SLC24A2: variants seen among roughly 807,000 people sequenced by gnomAD.
SLC24A2 encodes the protein solute carrier family 24 member 2.
A neutral mutation model predicts 62.0 loss-of-function variants in SLC24A2; 36 were observed. The ratio of observed to expected loss-of-function variants is 0.58; its 90% confidence interval spans 0.44 to 0.77. The LOEUF (loss-of-function observed/expected upper bound fraction) is 0.77, where lower values mean the gene tolerates loss of function less well. Ranked by LOEUF, SLC24A2 falls within the 30% of genes least tolerant of loss-of-function variation. SLC24A2 has a pLI of 0.00. For missense variants in SLC24A2, 846 were observed against 817.9 expected, an observed-to-expected ratio of 1.03 and a Z score of -0.42; for synonymous variants, 358 against 294.0, an observed-to-expected ratio of 1.22 and a Z score of -2.23.
At chr9:19,870,360 T>C in the SLC24A2 span, among the ~76,000 whole-genome samples, 3 of 152,230 alleles carry the variant, frequency 2.0e-5, no homozygotes, top group African/African-American at 7.2e-5. Flanking sequence ...TATTCCATTC[T>C]TTTGATGGCT....
In SLC24A2 at chr9:19,533,593, T is replaced by G. The variant is rs984958822; in HGVS notation, c.1480-5455A>C. 6.6e-5 allele frequency among the ~76,000 whole-genome samples: 10 copies of G among 152,146 alleles called. No individual in the cohort carries two copies. In the East Asian group the frequency reaches 1.9e-3, roughly 29 times the overall value. ...TGACTAAGTCCAGGCTAGCCTGCTT[T>G]GAGATAAGAGAGTATGTGGAGCAGA... On this transcript the variant is annotated intron_variant, in intron 8 of 10. Transcript: ENST00000341998.
At chr9:19,978,104 G>T in the SLC24A2 span, among the ~76,000 whole-genome samples, 1 of 152,130 alleles carries the variant, frequency 6.6e-6, no homozygotes, top group Non-Finnish European at 1.5e-5. Flanking sequence ...GAGAACAAGA[G>T]ATTTTCTATA....
chr9:19,788,521 A>T (rs1436020427), intron 1 of SLC24A2: 1 of 985,348 alleles, frequency 1.0e-6, no homozygotes, highest in African/African-American at 1.7e-5. Context: ...TCTAAAGGAC[A>T]GACGCCCCAC....
At chr9:20,250,007 G>C in the SLC24A2 span, among the ~76,000 whole-genome samples, 3 of 152,170 alleles carry the variant, frequency 2.0e-5, no homozygotes, top group Non-Finnish European at 4.4e-5. Context: ...TTGTCTTGGG[G>C]AGGAACTAAT....
upstream of SLC24A2, among the ~76,000 whole-genome samples, chr9:19,790,530 C>CCAA (rs376964461): frequency 1.6e-5 from 2 of 122,450 alleles, no homozygotes; most frequent in Non-Finnish European, 3.3e-5. Flanking sequence ...ATTTGAGCAT[C>CCAA]AAAAAAAAAA....
the SLC24A2 span, among the ~76,000 whole-genome samples, chr9:20,170,831 G>C: frequency 6.6e-6 from 1 of 152,122 alleles, no homozygotes; most frequent in African/African-American, 2.4e-5. Flanking sequence ...GGCCTTGCTA[G>C]AGACCTAGTC....
intron 2 of SLC24A2, among the ~76,000 whole-genome samples, chr9:19,719,533 G>A (rs1820962642): frequency 6.6e-6 from 1 of 151,430 alleles, no homozygotes; most frequent in Non-Finnish European, 1.5e-5. Flanking sequence ...CTGCTTGAGA[G>A]TTTGCACTTA....
At chr9:20,248,886 G>A in the SLC24A2 span, among the ~76,000 whole-genome samples, 2 of 152,184 alleles carry the variant, frequency 1.3e-5, no homozygotes, top group African/African-American at 4.8e-5. Context: ...TCTCTAAATA[G>A]TTGTTTCCTC....
the SLC24A2 span, among the ~76,000 whole-genome samples, chr9:19,872,799 C>A: frequency 6.6e-6 from 1 of 152,172 alleles, no homozygotes; most frequent in East Asian, 1.9e-4. Flanking sequence ...AGTCCTGGGT[C>A]TTCTTGTAAA....
the SLC24A2 span, among the ~76,000 whole-genome samples, chr9:19,980,054 A>C: frequency 1.3e-5 from 2 of 152,248 alleles, no homozygotes; most frequent in Admixed American, 6.5e-5. Flanking sequence ...TGTAAAGGAA[A>C]TAGCACGAAG....
chr9:20,130,040 G>A, the SLC24A2 span, among the ~76,000 whole-genome samples: 59 of 151,872 alleles, frequency 3.9e-4, no homozygotes, highest in Non-Finnish European at 7.7e-4. Context: ...TATTTAGAGA[G>A]TCTTTCCCTT....
chr9:20,280,707 A>T, the SLC24A2 span, among the ~76,000 whole-genome samples: 1 of 152,224 alleles, frequency 6.6e-6, no homozygotes, highest in Non-Finnish European at 1.5e-5. Flanking sequence ...ATGTAGCCTT[A>T]TTGGTAACAG....
At chr9:19,867,631 C>G in the SLC24A2 span, among the ~76,000 whole-genome samples, 3 of 152,198 alleles carry the variant, frequency 2.0e-5, no homozygotes, top group East Asian at 5.8e-4. Flanking sequence ...ACTTTCAGGC[C>G]GGGCGCAGTG....
the SLC24A2 span, among the ~76,000 whole-genome samples, chr9:19,889,111 T>C: frequency 6.6e-6 from 1 of 152,158 alleles, no homozygotes; most frequent in African/African-American, 2.4e-5. Context: ...GCATCAACCT[T>C]CAGAGCACCT....
At chr9:19,543,017 G>T (rs1266355126) in intron 8 of SLC24A2, among the ~76,000 whole-genome samples, 2 of 152,186 alleles carry the variant, frequency 1.3e-5, no homozygotes, top group Non-Finnish European at 2.9e-5. Flanking sequence ...AATGGTACCA[G>T]CTCCTCTTTG....
intron 5 of SLC24A2, among the ~76,000 whole-genome samples, chr9:19,588,888 G>A (rs1042830941): frequency 6.6e-6 from 1 of 152,196 alleles, no homozygotes; most frequent in East Asian, 1.9e-4. Context: ...TGGAACCTGG[G>A]AGGCGGAGGT....
chr9:19,615,350 G>A (rs949191943), intron 4 of SLC24A2, among the ~76,000 whole-genome samples: 12 of 152,198 alleles, frequency 7.9e-5, no homozygotes, highest in South Asian at 2.1e-4. Context: ...TGACTGCAGC[G>A]TTCATGCCAT....
At chr9:20,196,347 T>A in the SLC24A2 span, among the ~76,000 whole-genome samples, 4 of 152,214 alleles carry the variant, frequency 2.6e-5, no homozygotes. Flanking sequence ...CCAAGGCTGG[T>A]GACTGTCTCC....
the SLC24A2 span, among the ~76,000 whole-genome samples, chr9:19,883,385 G>C: frequency 6.6e-6 from 1 of 152,074 alleles, no homozygotes; most frequent in Admixed American, 6.6e-5. Context: ...ATTTAATAGA[G>C]ATAAGAAATT....
Sources: gnomAD v4.1 joint callset for allele counts (sites outside exome capture counted in the v4.1 genomes callset) on GRCh38, gnomAD v4.1.1 for gene constraint, MANE v1.5 for transcripts, NCBI Gene and HGNC (gene_info 2026-07-23, HGNC 2026-07-21) for gene names.